Variants in DCAF17 observed in about 807,000 individuals in gnomAD.
The protein encoded by DCAF17 is DDB1- and CUL4-associated factor 17.
A neutral mutation model predicts 66.0 loss-of-function variants in DCAF17; 48 were observed. That is an observed-to-expected ratio of 0.73 (90% CI 0.58 to 0.92). The LOEUF is 0.92. DCAF17 is among the 40% of genes least tolerant of loss of function. The pLI is 0.00. For missense variants in DCAF17, 562 were observed against 622.8 expected (o/e 0.90, Z 1.04); for synonymous variants, 206 against 214.6 (o/e 0.96, Z 0.35).
At chr2:171,460,987 T>G (rs972288034) in intron 8 of DCAF17, among the ~76,000 whole-genome samples, 4 of 152,222 alleles carry the variant, frequency 2.6e-5, no homozygotes, top group African/African-American at 9.6e-5. Context: ...ATTAGCACAT[T>G]ATATTGGAAG....
At chr2:171,469,877 C>T (rs1696142164) in intron 9 of DCAF17, among the ~76,000 whole-genome samples, 1 of 152,178 alleles carries the variant, frequency 6.6e-6, no homozygotes, top group African/African-American at 2.4e-5. Context: ...ACAATCACAG[C>T]TCACTGTAGC....
At chr2:171,464,059 T>A (rs1257507407) in intron 8 of DCAF17, among the ~76,000 whole-genome samples, 1 of 152,216 alleles carries the variant, frequency 6.6e-6, no homozygotes, top group Non-Finnish European at 1.5e-5. Context: ...CAAATTGTCC[T>A]GAATTTGGCC....
At chr2:171,437,396 A>G (rs62183471) in intron 2 of DCAF17, among the ~76,000 whole-genome samples, 35,705 of 152,120 alleles carry the variant, frequency 0.23, 4,391 homozygotes, top group Admixed American at 0.3. Flanking sequence ...TCAATTGACC[A>G]TAGACACTTT....
Position 171,435,128 on chromosome 2 carries a change from C to T in DCAF17, c.172C>T (p.Pro58Ser), listed in dbSNP as rs778294502. 6.2e-7 allele frequency: 1 copy of T among 1,613,648 alleles called. No homozygotes were observed. Among genetic ancestry groups the T allele is most frequent in the African/African-American group, 1.3e-5 (1 of 75,010 alleles). Reference protein sequence around the residue: ...KNVWTTHSRSPIAYERGRIYF... With the variant: ...KNVWTTHSRSSIAYERGRIYF... ...TGTCTGGACAACTCATTCCAGGTCACCTATAGCCTATGAGAGAGGAAGAAT... is the reference window on the plus strand; with the variant it reads ...TGTCTGGACAACTCATTCCAGGTCATCTATAGCCTATGAGAGAGGAAGAAT... The change falls in exon 2 of 14, where the codon CCT (proline) becomes TCT (serine). Residue 58 changes from proline (P) to serine (S), a missense_variant. By Grantham distance (74) the Pro-to-Ser change is moderately conservative. This residue lies in a region of DCAF17 where 348 missense variants were observed against 355.9 expected (regional missense o/e 0.98). Coordinates refer to ENST00000375255, the MANE Select transcript of DCAF17 (RefSeq NM_025000.4).
intron 1 of DCAF17, 34 bp downstream of exon 1, chr2:171,434,737 C>T (rs1362644145): frequency 1.3e-5 from 18 of 1,398,040 alleles, no homozygotes; most frequent in South Asian, 1.6e-5. Context: ...GGACGGAGGG[C>T]CGCGGGCGCG....
chr2:171,459,856 T>C (rs1290830329), intron 8 of DCAF17, among the ~76,000 whole-genome samples: 1 of 152,192 alleles, frequency 6.6e-6, no homozygotes, highest in East Asian at 1.9e-4. Flanking sequence ...ATTAGGCAGT[T>C]GTATGAAAAT....
chr2:171,467,463 C>T lies in DCAF17; in HGVS notation c.839-1425C>T, dbSNP rs367808593. 1.1e-4 allele frequency among the ~76,000 whole-genome samples: 17 copies of T among 151,990 alleles called. No homozygotes were observed. In the South Asian group the frequency reaches 3.3e-3, roughly 30 times the overall value. ...AAGCACTTTGGGAGGCCGAGGCAGGCGGATCGCTTGTGGCCAGGAGTTTGA... is the reference window on the plus strand; with the variant it reads ...AAGCACTTTGGGAGGCCGAGGCAGGTGGATCGCTTGTGGCCAGGAGTTTGA... On this transcript the variant is annotated intron_variant, in intron 8 of 13. Transcript: ENST00000375255.
chr2:171,449,848 A>G, intron 4 of DCAF17, 31 bp from the exon 5 acceptor site: 1 of 1,580,210 alleles, frequency 6.3e-7, no homozygotes, highest in Non-Finnish European at 8.7e-7. Flanking sequence ...ACTGACCCAA[A>G]TAAATAAACT....
chr2:171,459,613 A>G (rs1419038646), intron 8 of DCAF17, among the ~76,000 whole-genome samples: 1 of 152,238 alleles, frequency 6.6e-6, no homozygotes, highest in Admixed American at 6.5e-5. Flanking sequence ...AGGATTTTCT[A>G]ATATATGCAG....
At chr2:171,444,554 A>T (rs905799164) in intron 3 of DCAF17, among the ~76,000 whole-genome samples, 2 of 152,220 alleles carry the variant, frequency 1.3e-5, no homozygotes, top group African/African-American at 4.8e-5. Flanking sequence ...CTCATTATGC[A>T]TATGCAAATA....
At chr2:171,468,227 T>C (rs1696037989) in intron 8 of DCAF17, among the ~76,000 whole-genome samples, 1 of 152,134 alleles carries the variant, frequency 6.6e-6, no homozygotes, top group Non-Finnish European at 1.5e-5. Flanking sequence ...ACAGTGTCAG[T>C]CTTCAAAAGA....
chr2:171,461,319 C>T (rs1346981515), intron 8 of DCAF17, among the ~76,000 whole-genome samples: 1 of 151,944 alleles, frequency 6.6e-6, no homozygotes, highest in Non-Finnish European at 1.5e-5. Context: ...CTCAGCTACT[C>T]AGGAGGCTGA....
chr2:171,460,530 TA>T, intron 8 of DCAF17, among the ~76,000 whole-genome samples: 1 of 145,330 alleles, frequency 6.9e-6, no homozygotes, highest in East Asian at 2.0e-4. Context: ...TTATTATTAT[TA>T]TTATTATTAT....
chr2:171,465,184 T>G, intron 8 of DCAF17, among the ~76,000 whole-genome samples: 1 of 145,276 alleles, frequency 6.9e-6, no homozygotes, highest in African/African-American at 2.6e-5. Context: ...GGTGACAGAG[T>G]GAAACTCTGT....
At chr2:171,466,986 T>C (rs1160459822) in intron 8 of DCAF17, among the ~76,000 whole-genome samples, 1 of 152,120 alleles carries the variant, frequency 6.6e-6, no homozygotes, top group East Asian at 1.9e-4. Context: ...TATTTTTTAT[T>C]GCTTAAAAGA....
chr2:171,453,021 G>T, intron 5 of DCAF17, 103 bp from the exon 6 acceptor site: 1 of 728,030 alleles, frequency 1.4e-6, no homozygotes, highest in East Asian at 2.6e-5. Flanking sequence ...GAAAATGTCT[G>T]TATAACTACA....
At position 171,473,897 on chromosome 2, in the gene DCAF17, G is replaced by T; in HGVS notation, c.1013G>T (p.Cys338Phe). The T allele has an allele frequency of 6.2e-7, 1 of 1,613,728 alleles. No individual in the cohort carries two copies. ...AKNGIQEMDC[C>F]SLESDWIYFH... ...AATGGGATCCAAGAAATGGATTGTTGTTCTCTAGAATCTGACTGGATCTAT... is the reference window on the plus strand; with the variant it reads ...AATGGGATCCAAGAAATGGATTGTTTTTCTCTAGAATCTGACTGGATCTAT... Residue 338 changes from cysteine to phenylalanine, a missense_variant, in exon 10 of 14, where the codon TGT (cysteine) becomes TTT (phenylalanine). Cys to Phe is a radical substitution (Grantham distance 205). This residue lies in a region of DCAF17 where 201 missense variants were observed against 231.1 expected (regional missense o/e 0.87). Coordinates refer to ENST00000375255, the MANE Select transcript of DCAF17 (RefSeq NM_025000.4).
At chr2:171,479,706 T>G (rs1415068277) in intron 12 of DCAF17, 3 of 325,618 alleles carry the variant, frequency 9.2e-6, no homozygotes, top group Non-Finnish European at 1.8e-5. Context: ...GCAAACACAC[T>G]TGTGAGAGGC....
chr2:171,439,858 G>A (rs982149577), intron 2 of DCAF17, among the ~76,000 whole-genome samples: 2 of 152,130 alleles, frequency 1.3e-5, no homozygotes, highest in Admixed American at 6.5e-5. Flanking sequence ...AATCTGGGAG[G>A]TGGAGGTTGC....
Sources: gnomAD v4.1 joint callset for allele counts (sites outside exome capture counted in the v4.1 genomes callset) on GRCh38, gnomAD v4.1.1 for gene constraint, gnomAD v4.1.1 regional missense constraint, MANE v1.5 for transcripts, NCBI Gene and HGNC (gene_info 2026-07-23, HGNC 2026-07-21) for gene names.